Variants in MARCHF1 observed in about 807,000 individuals in gnomAD.
The protein encoded by MARCHF1 is membrane associated ring-CH-type finger 1, also known as E3 ubiquitin-protein ligase MARCHF1.
Under a neutral mutation model 54.2 loss-of-function variants are expected in MARCHF1, and 40 were observed. The ratio of observed to expected loss-of-function variants is 0.74; its 90% CI spans 0.57 to 0.96. The LOEUF (loss-of-function observed/expected upper bound fraction) is 0.96. Ranked by LOEUF, MARCHF1 falls within the 40% of genes least tolerant of loss-of-function variation. The probability of loss-of-function intolerance (pLI) is 0.00; values close to 1 mark genes in which losing one functional copy is unlikely to be tolerated. For synonymous variants in MARCHF1, 236 were observed against 236.3 expected (o/e 1.00, Z 0.01); for missense variants, 586 against 656.5 (o/e 0.89, Z 1.17).
At chr4:164,188,464 G>A (rs1190586124) in intron 1 of MARCHF1, 13 of 650,288 alleles carry the variant, frequency 2.0e-5, no homozygotes, top group Non-Finnish European at 3.4e-5. Flanking sequence ...ACGTGGGCAC[G>A]GTGGTCTGCG....
At chr4:163,705,631 T>G (rs1241505744) in intron 4 of MARCHF1, among the ~76,000 whole-genome samples, 2 of 152,100 alleles carry the variant, frequency 1.3e-5, no homozygotes, top group Non-Finnish European at 2.9e-5. Context: ...TTTGGCAGTC[T>G]TATTCTAACA....
chr4:163,882,750 C>T (rs1335638223), intron 3 of MARCHF1, among the ~76,000 whole-genome samples: 1 of 152,064 alleles, frequency 6.6e-6, no homozygotes, highest in African/African-American at 2.4e-5. Context: ...AGGTGGATTG[C>T]TTGAACCTAG....
chr4:163,623,772 AT>A (rs1481617840), intron 5 of MARCHF1, among the ~76,000 whole-genome samples: 1 of 152,070 alleles, frequency 6.6e-6, no homozygotes, highest in East Asian at 1.9e-4. Flanking sequence ...TTTTTTCTGC[AT>A]TCTTGTCTCA....
At chr4:164,366,754 T>C (rs923725968) in intron 1 of MARCHF1, among the ~76,000 whole-genome samples, 1 of 151,932 alleles carries the variant, frequency 6.6e-6, no homozygotes, top group African/African-American at 2.4e-5. Context: ...TTTTATTTTA[T>C]ACCATTATAT....
chr4:164,258,052 C>T (rs1733343008), intron 1 of MARCHF1, among the ~76,000 whole-genome samples: 1 of 152,128 alleles, frequency 6.6e-6, no homozygotes, highest in East Asian at 1.9e-4. Context: ...TACATATACA[C>T]CATGGAATAC....
chr4:164,205,889 C>T (rs1731592963), intron 1 of MARCHF1, among the ~76,000 whole-genome samples: 4 of 152,106 alleles, frequency 2.6e-5, no homozygotes, highest in Non-Finnish European at 4.4e-5. Context: ...GAATGATATA[C>T]GTCACAGTAA....
intron 2 of MARCHF1, among the ~76,000 whole-genome samples, chr4:164,042,403 A>G (rs940725726): frequency 6.6e-6 from 1 of 152,156 alleles, no homozygotes; most frequent in African/African-American, 2.4e-5. Flanking sequence ...GAAAGAAAGC[A>G]CCTTCTTATG....
chr4:164,065,055 T>A (rs1754698224), intron 2 of MARCHF1, among the ~76,000 whole-genome samples: 1 of 152,196 alleles, frequency 6.6e-6, no homozygotes, highest in South Asian at 2.1e-4. Context: ...GGTTTGCCAG[T>A]ATTTTGCTGA....
At chr4:163,651,064 C>A (rs1176675074) in intron 5 of MARCHF1, among the ~76,000 whole-genome samples, 3 of 151,886 alleles carry the variant, frequency 2.0e-5, no homozygotes, top group Admixed American at 2.0e-4. Flanking sequence ...AGAGTAAGAA[C>A]TGAAGAAGTT....
Position 164,210,401 on chromosome 4 carries a change from A to G in MARCHF1, c.-322-98739T>C, listed in dbSNP as rs76502430. ...CATGAGCAACTCGAATGAAAATTCAATTAACCAACAGAGGGAAAATTAGAA... is the reference window on the plus strand; with the variant it reads ...CATGAGCAACTCGAATGAAAATTCAGTTAACCAACAGAGGGAAAATTAGAA... On this transcript the variant is annotated intron_variant, in intron 1 of 9. Transcript: ENST00000514618. Among the ~76,000 whole-genome samples the G allele has an allele frequency of 7.7e-4, 118 of 152,322 alleles. 1 individual carries two copies. Among genetic ancestry groups the G allele is most frequent in the East Asian group, 6.8e-3 (35 of 5,182 alleles).
At chr4:164,181,393 CTATG>C (rs1322898311) in intron 1 of MARCHF1, among the ~76,000 whole-genome samples, 6 of 152,192 alleles carry the variant, frequency 3.9e-5, no homozygotes, top group Non-Finnish European at 7.4e-5. Flanking sequence ...TATTTGTACA[CTATG>C]TATGTCTAAT....
intron 3 of MARCHF1, among the ~76,000 whole-genome samples, chr4:163,954,861 G>A (rs953811218): frequency 1.4e-4 from 21 of 152,082 alleles, no homozygotes; most frequent in African/African-American, 5.1e-4. Context: ...CTTGCACCTT[G>A]TATAAATTCA....
rs115580938 is a variant in MARCHF1, at chr4:164,347,866, A to T, written c.-323+36004T>A. Reference sequence around the variant, plus strand: ...TAGAGCTATTTAAAATGAATAGAAAATGTTTATGTTCATGGTGTTTAATGC... The same window carrying T: ...TAGAGCTATTTAAAATGAATAGAAATTGTTTATGTTCATGGTGTTTAATGC... On this transcript the variant is annotated intron_variant, in intron 1 of 9. Coordinates refer to ENST00000514618, the MANE Select transcript of MARCHF1 (RefSeq NM_001394959.1). Among the ~76,000 whole-genome samples, 794 of 152,282 alleles carry T rather than the reference A, an allele frequency of 5.2e-3. 10 individuals carry two copies. Among genetic ancestry groups the T allele is most frequent in the African/African-American group, 0.016 (670 of 41,564 alleles).
chr4:163,871,144 C>A (rs934474463), intron 3 of MARCHF1, among the ~76,000 whole-genome samples: 1 of 151,818 alleles, frequency 6.6e-6, no homozygotes, highest in African/African-American at 2.4e-5. Flanking sequence ...TTAATAAAAG[C>A]AAAACTAAGA....
chr4:164,062,053 C>A (rs1317431863), intron 2 of MARCHF1, among the ~76,000 whole-genome samples: 2 of 152,218 alleles, frequency 1.3e-5, no homozygotes, highest in African/African-American at 4.8e-5. Flanking sequence ...AGCCCTCCTG[C>A]TGCTTTATCA....
intron 1 of MARCHF1, among the ~76,000 whole-genome samples, chr4:164,192,168 T>C (rs72987716): frequency 1.2e-4 from 18 of 152,320 alleles, no homozygotes; most frequent in Admixed American, 1.0e-3. Flanking sequence ...AAGATTATCT[T>C]AATTTGTAAA....
intron 8 of MARCHF1, among the ~76,000 whole-genome samples, chr4:163,548,033 GAACT>G (rs1408587577): frequency 6.6e-6 from 1 of 152,108 alleles, no homozygotes; most frequent in Non-Finnish European, 1.5e-5. Flanking sequence ...AATCAGTCTT[GAACT>G]GAGAAGATTT....
intron 7 of MARCHF1, among the ~76,000 whole-genome samples, chr4:163,605,952 T>C (rs942864214): frequency 6.6e-6 from 1 of 152,100 alleles, no homozygotes; most frequent in African/African-American, 2.4e-5. Context: ...AAATACCTAA[T>C]GTAGATGATA....
chr4:164,374,075 T>C (rs1731115199), intron 1 of MARCHF1, among the ~76,000 whole-genome samples: 1 of 152,210 alleles, frequency 6.6e-6, no homozygotes, highest in Non-Finnish European at 1.5e-5. Flanking sequence ...TTGAGGGAAA[T>C]TTTTCAAATA....
Sources: allele counts gnomAD v4.1 joint callset (sites outside exome capture counted in the v4.1 genomes callset), GRCh38; gene constraint gnomAD v4.1.1; transcripts MANE v1.5; gene names NCBI Gene and HGNC (gene_info 2026-07-23, HGNC 2026-07-21).